Variants in CAMK4 observed in about 807,000 individuals in gnomAD.
CAMK4 encodes calcium/calmodulin-dependent protein kinase type IV.
In CAMK4, 22 loss-of-function variants were observed where a neutral mutation model predicts 44.9. The observed-to-expected ratio is 0.49, with a 90% CI of 0.35 to 0.70. CAMK4 has a LOEUF of 0.70. CAMK4 is among the 30% of genes least tolerant of loss of function. CAMK4 has a pLI of 0.01. For missense variants in CAMK4, 498 were observed against 586.8 expected, an observed-to-expected ratio of 0.85 and a Z score of 1.56; for synonymous variants, 218 against 215.4, an observed-to-expected ratio of 1.01 and a Z score of -0.11.
At chr5:111,245,060 A>T (rs1437274011) in intron 1 of CAMK4, among the ~76,000 whole-genome samples, 1 of 152,158 alleles carries the variant, frequency 6.6e-6, no homozygotes. Flanking sequence ...ATATTACTAG[A>T]ATATTTAGCA....
intron 1 of CAMK4, among the ~76,000 whole-genome samples, chr5:111,309,181 G>T (rs913607110): frequency 6.6e-6 from 1 of 152,074 alleles, no homozygotes; most frequent in African/African-American, 2.4e-5. Flanking sequence ...CTTAACAATT[G>T]TTGTGCTTTG....
intron 1 of CAMK4, among the ~76,000 whole-genome samples, chr5:111,308,250 T>TAA (rs1009074489): frequency 7.1e-6 from 1 of 141,426 alleles, no homozygotes; most frequent in Non-Finnish European, 1.5e-5. Flanking sequence ...TAGAGTATAA[T>TAA]AAAAAAATAA....
At position 111,460,265 on chromosome 5, in the gene CAMK4, C is replaced by CTTTTTTTTTTTTTTTT. The variant is rs200566906; in HGVS notation, c.625+11067_625+11068insTTTTTTTTTTTTTTTT. On this transcript the variant is annotated intron_variant, in intron 7 of 10. Transcript: ENST00000282356. ...TAATGTTTTTCTTTTCTTTTCTTTT[C>CTTTTTTTTTTTTTTTT]TTTTTCTTTTTTTTTTTTTTGAGGC... 9.7e-4 allele frequency among the ~76,000 whole-genome samples: 119 copies of CTTTTTTTTTTTTTTTT among 122,690 alleles called. 4 individuals carry two copies. Among genetic ancestry groups the CTTTTTTTTTTTTTTTT allele is most frequent in the Non-Finnish European group, 1.4e-3 (85 of 59,842 alleles). 80.5% of individuals were successfully genotyped at this position (122,690 alleles called of 152,430 possible). A position where few individuals can be genotyped will look rare whatever the true frequency, so the allele number is the denominator to read the frequency against.
At chr5:111,351,618 G>A (rs1051972206) in intron 2 of CAMK4, among the ~76,000 whole-genome samples, 8 of 151,572 alleles carry the variant, frequency 5.3e-5, no homozygotes, top group African/African-American at 1.9e-4. Flanking sequence ...CACCGTATTG[G>A]CCAGACTGGT....
intron 2 of CAMK4, among the ~76,000 whole-genome samples, chr5:111,361,719 G>A (rs963402152): frequency 2.0e-5 from 3 of 152,004 alleles, no homozygotes; most frequent in Non-Finnish European, 4.4e-5. Context: ...AAACAGGACA[G>A]TGCAGCTCTT....
intron 1 of CAMK4, among the ~76,000 whole-genome samples, chr5:111,273,580 A>G (rs931600598): frequency 2.7e-5 from 4 of 149,632 alleles, no homozygotes; most frequent in Non-Finnish European, 5.9e-5. Flanking sequence ...AGATTTACCA[A>G]AATTCCTCTT....
intron 4 of CAMK4, among the ~76,000 whole-genome samples, chr5:111,377,643 G>A (rs927617104): frequency 1.3e-5 from 2 of 152,132 alleles, no homozygotes; most frequent in African/African-American, 2.4e-5. Context: ...GGAGAATTCT[G>A]TATTTGTCCT....
intron 1 of CAMK4, among the ~76,000 whole-genome samples, chr5:111,286,859 T>A (rs1751256045): frequency 6.6e-6 from 1 of 152,188 alleles, no homozygotes; most frequent in Non-Finnish European, 1.5e-5. Context: ...ACTTTTTGAT[T>A]GCTTAATGGT....
At chr5:111,238,300 G>A (rs1246663366) in intron 1 of CAMK4, among the ~76,000 whole-genome samples, 1 of 152,156 alleles carries the variant, frequency 6.6e-6, no homozygotes, top group Non-Finnish European at 1.5e-5. Flanking sequence ...CATGTATTGA[G>A]ACCCTAACTC....
chr5:111,281,567 T>C (rs988841305), intron 1 of CAMK4, among the ~76,000 whole-genome samples: 1 of 152,242 alleles, frequency 6.6e-6, no homozygotes, highest in African/African-American at 2.4e-5. Context: ...GCCTCTTTAC[T>C]GCATAATCCA....
intron 5 of CAMK4, among the ~76,000 whole-genome samples, chr5:111,442,484 G>A (rs1753860171): frequency 6.7e-6 from 1 of 150,072 alleles, no homozygotes; most frequent in Non-Finnish European, 1.5e-5. Flanking sequence ...GCGACAGACT[G>A]CGTCTCAAAA....
At chr5:111,460,644 T>C (rs1754612787) in intron 7 of CAMK4, among the ~76,000 whole-genome samples, 1 of 152,238 alleles carries the variant, frequency 6.6e-6, no homozygotes, top group African/African-American at 2.4e-5. Context: ...GATAGGTTTA[T>C]TTATTTTATC....
intron 7 of CAMK4, among the ~76,000 whole-genome samples, chr5:111,469,188 T>TATAC (rs1754974991): frequency 7.5e-6 from 1 of 132,486 alleles, no homozygotes; most frequent in South Asian, 2.4e-4. Context: ...TATATATATA[T>TATAC]ATATATATAT....
chr5:111,340,806 C>A (rs1279513124), intron 1 of CAMK4, among the ~76,000 whole-genome samples: 1 of 150,956 alleles, frequency 6.6e-6, no homozygotes, highest in African/African-American at 2.4e-5. Context: ...TGGTAAAATT[C>A]AGCAGTGAAG....
intron 4 of CAMK4, among the ~76,000 whole-genome samples, chr5:111,389,043 A>T (rs1366179): frequency 0.88 from 133,824 of 152,160 alleles, 59,065 homozygotes; most frequent in East Asian, 1. Context: ...AAAATTTCTT[A>T]TACTGAGTGG....
chr5:111,255,609 G>C (rs2112550029), intron 1 of CAMK4, among the ~76,000 whole-genome samples: 1 of 152,232 alleles, frequency 6.6e-6, no homozygotes, highest in Non-Finnish European at 1.5e-5. Flanking sequence ...TCATGATTTT[G>C]TCACAACCTT....
chr5:111,360,979 C>T (rs751878659), intron 2 of CAMK4, among the ~76,000 whole-genome samples: 1 of 152,020 alleles, frequency 6.6e-6, no homozygotes, highest in Non-Finnish European at 1.5e-5. Flanking sequence ...TTAATTTCTT[C>T]TGTACTTTTC....
intron 5 of CAMK4, among the ~76,000 whole-genome samples, chr5:111,443,940 C>T (rs934891833): frequency 3.3e-5 from 5 of 152,188 alleles, no homozygotes; most frequent in Admixed American, 2.0e-4. Flanking sequence ...TATCAAGATA[C>T]AGTATCTTCC....
intron 1 of CAMK4, among the ~76,000 whole-genome samples, chr5:111,292,616 T>G (rs1254963730): frequency 6.6e-6 from 1 of 151,990 alleles, no homozygotes; most frequent in Non-Finnish European, 1.5e-5. Context: ...AATCATGAAT[T>G]TGGATTTTTA....
Sources: gnomAD v4.1 joint callset for allele counts (sites outside exome capture counted in the v4.1 genomes callset) on GRCh38, gnomAD v4.1.1 for gene constraint, MANE v1.5 for transcripts, NCBI Gene and HGNC (gene_info 2026-07-23, HGNC 2026-07-21) for gene names.